EYA1: variants seen among roughly 807,000 people sequenced by gnomAD.
EYA1 encodes protein phosphatase EYA1.
Under a neutral mutation model 82.0 loss-of-function variants are expected in EYA1, and 16 were observed. The ratio of observed to expected loss-of-function variants is 0.20; its 90% CI spans 0.13 to 0.30. EYA1 has a LOEUF of 0.30. EYA1 is among the 10% of genes least tolerant of loss of function. The pLI, the probability that EYA1 is intolerant of heterozygous loss-of-function variation, is 1.00. For missense variants in EYA1, 633 were observed against 730.7 expected (o/e 0.87, Z 1.54); for synonymous variants, 261 against 264.4 (o/e 0.99, Z 0.12).
At chr8:71,537,749 C>A (rs1430196555) in intron 1 of EYA1, among the ~76,000 whole-genome samples, 1 of 152,076 alleles carries the variant, frequency 6.6e-6, no homozygotes, top group Non-Finnish European at 1.5e-5. Context: ...TTTGATATTC[C>A]AGGATTATTT....
chr8:71,448,576 G>T (rs1030846339), intron 2 of EYA1, among the ~76,000 whole-genome samples: 2 of 152,148 alleles, frequency 1.3e-5, no homozygotes, highest in African/African-American at 4.8e-5. Flanking sequence ...ATCTCCTAGG[G>T]ATCACAAATG....
chr8:71,466,752 A>T (rs1808798706), intron 2 of EYA1, among the ~76,000 whole-genome samples: 1 of 152,154 alleles, frequency 6.6e-6, no homozygotes, highest in South Asian at 2.1e-4. Context: ...ATAATAGAGC[A>T]AGAAGATTTT....
intron 2 of EYA1, among the ~76,000 whole-genome samples, chr8:71,523,411 C>A (rs1460484714): frequency 6.6e-6 from 1 of 151,964 alleles, no homozygotes; most frequent in Non-Finnish European, 1.5e-5. Context: ...ATCTCCTGAC[C>A]TCGTGATCCA....
rs1216904291 is a variant in EYA1, at chr8:71,197,556, A to AGTC, written c.*1781_*1783dup. The AGTC allele has an allele frequency of 6.6e-6, 1 of 152,576 alleles. No individual in the cohort carries two copies. The highest frequency in any genetic ancestry group is 1.5e-5 in the Non-Finnish European group (1 of 68,032). The allele number at this position is 152,576 out of a possible 1,614,324, so 9.5% of individuals were successfully genotyped here. ...AGGCCAAGATAAACTTTGTCTTTTCAGTCTGCAGAGTACAAAAACATAAAA... is the reference window on the plus strand; with the variant it reads ...AGGCCAAGATAAACTTTGTCTTTTCAGTCGTCTGCAGAGTACAAAAACATAAAA... On this transcript the variant is annotated 3_prime_UTR_variant, in exon 18 of 18. Coordinates refer to ENST00000340726, the MANE Select transcript of EYA1 (RefSeq NM_000503.6).
At chr8:71,255,509 T>G (rs571436794) in intron 11 of EYA1, among the ~76,000 whole-genome samples, 14 of 152,202 alleles carry the variant, frequency 9.2e-5, no homozygotes, top group Non-Finnish European at 1.6e-4. Context: ...AATAGTCTTT[T>G]CAACAAACGG....
chr8:71,414,160 A>G (rs1284806861), intron 2 of EYA1, among the ~76,000 whole-genome samples: 1 of 152,170 alleles, frequency 6.6e-6, no homozygotes, highest in African/African-American at 2.4e-5. Context: ...ATCAATCAAT[A>G]GTTGGATTCT....
At chr8:71,535,738 A>G (rs1214421186) in intron 2 of EYA1, 7 of 1,516,470 alleles carry the variant, frequency 4.6e-6, no homozygotes, top group Non-Finnish European at 6.2e-6. Context: ...CATTCTGTTT[A>G]CTTACAGACT....
At chr8:71,317,502 T>C in intron 7 of EYA1, 50 bp downstream of exon 7, 1 of 1,596,162 alleles carries the variant, frequency 6.3e-7, no homozygotes. Context: ...CTTTAGAAGT[T>C]AACTATCAAC....
chr8:71,320,547 T>G (rs775573085), intron 6 of EYA1, among the ~76,000 whole-genome samples: 7 of 152,182 alleles, frequency 4.6e-5, no homozygotes, highest in African/African-American at 1.2e-4. Flanking sequence ...AAAAGAGAGA[T>G]AGTTTTAAAA....
intron 2 of EYA1, among the ~76,000 whole-genome samples, chr8:71,402,002 C>A (rs1006643756): frequency 1.3e-5 from 2 of 152,156 alleles, no homozygotes; most frequent in East Asian, 3.8e-4. Context: ...CCTTATTAAG[C>A]ACTGGAAAAC....
chr8:71,334,375 A>G (rs1824247166), intron 3 of EYA1: 3 of 641,656 alleles, frequency 4.7e-6, no homozygotes, highest in South Asian at 1.7e-5. Context: ...GAAACAATCT[A>G]TTGTCACAAG....
chr8:71,481,138 A>C (rs1810120820), intron 2 of EYA1, among the ~76,000 whole-genome samples: 1 of 152,230 alleles, frequency 6.6e-6, no homozygotes, highest in African/African-American at 2.4e-5. Flanking sequence ...TAAAGAAAAC[A>C]CACAGATTTT....
chr8:71,205,174 T>C (rs1189093145), intron 17 of EYA1, among the ~76,000 whole-genome samples: 1 of 152,150 alleles, frequency 6.6e-6, no homozygotes, highest in African/African-American at 2.4e-5. Context: ...TAATGACGCC[T>C]TTCTCACTGT....
chr8:71,440,529 G>C (rs757297924), intron 2 of EYA1, among the ~76,000 whole-genome samples: 1 of 152,172 alleles, frequency 6.6e-6, no homozygotes, highest in Non-Finnish European at 1.5e-5. Flanking sequence ...AGCTATGTCA[G>C]GATGGCCCAT....
chr8:71,294,283 C>T (rs1489623212), intron 9 of EYA1, among the ~76,000 whole-genome samples: 2 of 152,014 alleles, frequency 1.3e-5, no homozygotes, highest in Non-Finnish European at 2.9e-5. Flanking sequence ...CACAGTGAAA[C>T]CCCGTCTCTA....
intron 2 of EYA1, among the ~76,000 whole-genome samples, chr8:71,473,639 T>C (rs999235915): frequency 2.0e-5 from 3 of 152,168 alleles, no homozygotes; most frequent in Non-Finnish European, 4.4e-5. Context: ...GAAGACAGTG[T>C]GGCGATTCCT....
chr8:71,488,025 C>T (rs182853414), intron 2 of EYA1, among the ~76,000 whole-genome samples: 3 of 151,850 alleles, frequency 2.0e-5, no homozygotes, highest in Admixed American at 2.0e-4. Flanking sequence ...TTATTCACAA[C>T]AACCAAAAAA....
chr8:71,261,782 G>A (rs750302328), intron 11 of EYA1, among the ~76,000 whole-genome samples: 5 of 152,198 alleles, frequency 3.3e-5, no homozygotes, highest in Non-Finnish European at 7.3e-5. Context: ...GGCCCATGGG[G>A]TGCTAAGGGA....
intron 7 of EYA1, among the ~76,000 whole-genome samples, chr8:71,316,432 A>C (rs1437586058): frequency 6.6e-6 from 1 of 152,184 alleles, no homozygotes; most frequent in African/African-American, 2.4e-5. Flanking sequence ...TGTAGCCATC[A>C]AAAGGATACC....
Sources: gnomAD v4.1 joint callset for allele counts (sites outside exome capture counted in the v4.1 genomes callset) on GRCh38, gnomAD v4.1.1 for gene constraint, MANE v1.5 for transcripts, NCBI Gene and HGNC (gene_info 2026-07-23, HGNC 2026-07-21) for gene names.